The following PLCB1 variants were observed in gnomAD, a reference collection of about 807,000 sequenced individuals.
PLCB1 encodes the protein phospholipase C beta 1, also known as 1-phosphatidylinositol 4,5-bisphosphate phosphodiesterase beta-1.
Under a neutral mutation model 161.8 loss-of-function variants are expected in PLCB1, and 46 were observed. The ratio of observed to expected loss-of-function variants is 0.28; its 90% CI spans 0.22 to 0.36. The LOEUF is 0.36. PLCB1 is among the 10% of genes least tolerant of loss of function. The pLI is 1.00. For synonymous variants in PLCB1, 517 were observed against 503.7 expected, an observed-to-expected ratio of 1.03 and a Z score of -0.35; for missense variants, 1,016 against 1,472.5, an observed-to-expected ratio of 0.69 and a Z score of 5.07.
intron 3 of PLCB1, among the ~76,000 whole-genome samples, chr20:8,585,379 G>T (rs1986959349): frequency 6.6e-6 from 1 of 152,184 alleles, no homozygotes; most frequent in South Asian, 2.1e-4. Flanking sequence ...ATTGTGCACA[G>T]CTCAGAAGAG....
chr20:8,726,991 C>T (rs191256379), intron 16 of PLCB1, among the ~76,000 whole-genome samples: 21 of 152,168 alleles, frequency 1.4e-4, no homozygotes, highest in Non-Finnish European at 2.2e-4. Flanking sequence ...AAGATTCCCA[C>T]GGGGTCCCTG....
At position 8,884,236 on chromosome 20, in the gene PLCB1, T is replaced by G. The variant is rs1263621764; in HGVS notation, c.*2387T>G. 2.0e-5 allele frequency: 3 copies of G among 152,628 alleles called. No individual in the cohort carries two copies. The highest frequency in any genetic ancestry group is 2.0e-4 in the Admixed American group (3 of 15,270). 9.5% of individuals were successfully genotyped at this position (152,628 alleles called of 1,614,324 possible). On this transcript the variant is annotated 3_prime_UTR_variant, in exon 32 of 32. Transcript: ENST00000338037. ...TGCATCATTGAAACTACTACAATGA[T>G]ACTATCATTTAATAATATTAATATT...
intron 3 of PLCB1, among the ~76,000 whole-genome samples, chr20:8,606,166 T>C (rs1987752425): frequency 6.6e-6 from 1 of 152,206 alleles, no homozygotes; most frequent in Admixed American, 6.5e-5. Context: ...AATTTTCCTA[T>C]AGTTTCATCA....
chr20:8,361,979 T>C (rs1204329606), intron 2 of PLCB1, among the ~76,000 whole-genome samples: 1 of 152,232 alleles, frequency 6.6e-6, no homozygotes, highest in Non-Finnish European at 1.5e-5. Context: ...CTAGTTAATC[T>C]GATTAGTCTG....
chr20:8,273,457 G>A (rs1982382316), intron 2 of PLCB1, among the ~76,000 whole-genome samples: 2 of 151,752 alleles, frequency 1.3e-5, no homozygotes, highest in African/African-American at 2.4e-5. Flanking sequence ...ACATCATTTG[G>A]CAACAGTAAT....
intron 2 of PLCB1, among the ~76,000 whole-genome samples, chr20:8,368,968 G>T (rs1205327113): frequency 6.6e-6 from 1 of 151,784 alleles, no homozygotes; most frequent in African/African-American, 2.4e-5. Context: ...TGTCTGTAGG[G>T]CACTTTGAAA....
chr20:8,343,296 C>G (rs1183168025), intron 2 of PLCB1, among the ~76,000 whole-genome samples: 1 of 152,196 alleles, frequency 6.6e-6, no homozygotes, highest in Non-Finnish European at 1.5e-5. Flanking sequence ...CCAGAACTTT[C>G]CAAGGCAGAG....
chr20:8,653,937 C>T (rs1484297256), intron 7 of PLCB1, among the ~76,000 whole-genome samples: 2 of 152,000 alleles, frequency 1.3e-5, no homozygotes, highest in East Asian at 3.9e-4. Context: ...ATAATGCCAA[C>T]TGCATAGAGT....
At chr20:8,834,837 A>G (rs6118345) in intron 31 of PLCB1, among the ~76,000 whole-genome samples, 39,541 of 136,276 alleles carry the variant, frequency 0.29, 6,128 homozygotes, top group Middle Eastern at 0.42. Context: ...AAAAAAAAAA[A>G]CCACAGGCTG....
intron 9 of PLCB1, among the ~76,000 whole-genome samples, chr20:8,666,742 G>A (rs1317826654): frequency 1.3e-5 from 2 of 152,146 alleles, no homozygotes; most frequent in African/African-American, 4.8e-5. Flanking sequence ...CTATAGCAGT[G>A]GTTTCCAAGC....
chr20:8,607,748 AT>A (rs2123161815), intron 3 of PLCB1, among the ~76,000 whole-genome samples: 1 of 152,290 alleles, frequency 6.6e-6, no homozygotes, highest in East Asian at 1.9e-4. Context: ...TATATGCATT[AT>A]TTACATGTGC....
intron 3 of PLCB1, among the ~76,000 whole-genome samples, chr20:8,434,539 A>G (rs1980212892): frequency 6.6e-6 from 1 of 152,238 alleles, no homozygotes; most frequent in Admixed American, 6.5e-5. Context: ...TGTCCCAGGC[A>G]TTTTACACAT....
rs77866139 is a variant in PLCB1, at chr20:8,265,374, C to T, written c.178-106008C>T. 2.4e-3 allele frequency among the ~76,000 whole-genome samples: 372 copies of T among 152,214 alleles called. 3 individuals carry two copies. Among genetic ancestry groups the T allele is most frequent in the African/African-American group, 8.7e-3 (362 of 41,516 alleles). On this transcript the variant is annotated intron_variant, in intron 2 of 31. Transcript: ENST00000338037. ...GCCTTTTCATTCCACAAGCGAATGG[C>T]GAAGTACCATTTAAGACTTGCCAAT...
At chr20:8,832,470 A>G (rs1986059786) in intron 31 of PLCB1, among the ~76,000 whole-genome samples, 1 of 152,254 alleles carries the variant, frequency 6.6e-6, no homozygotes, top group Non-Finnish European at 1.5e-5. Flanking sequence ...GCATCAGGAA[A>G]AACAGCCAGA....
chr20:8,797,048 G>A (rs1222641156), intron 31 of PLCB1, among the ~76,000 whole-genome samples: 1 of 152,092 alleles, frequency 6.6e-6, no homozygotes, highest in African/African-American at 2.4e-5. Context: ...AGTAATAGAT[G>A]AGAATCTACA....
At chr20:8,609,154 G>T (rs955802751) in intron 3 of PLCB1, among the ~76,000 whole-genome samples, 1 of 152,172 alleles carries the variant, frequency 6.6e-6, no homozygotes, top group Non-Finnish European at 1.5e-5. Flanking sequence ...AATAGTCTTA[G>T]CTATTGGAAA....
At chr20:8,324,464 C>T (rs1321722295) in intron 2 of PLCB1, among the ~76,000 whole-genome samples, 1 of 152,118 alleles carries the variant, frequency 6.6e-6, no homozygotes, top group Non-Finnish European at 1.5e-5. Flanking sequence ...TGATTTCTTA[C>T]TATAAATTAT....
At chr20:8,353,360 A>G (rs1057009057) in intron 2 of PLCB1, among the ~76,000 whole-genome samples, 3 of 152,150 alleles carry the variant, frequency 2.0e-5, no homozygotes, top group African/African-American at 7.2e-5. Context: ...AGAATACACA[A>G]TTCTCCCATA....
At chr20:8,594,735 G>C (rs571922046) in intron 3 of PLCB1, among the ~76,000 whole-genome samples, 204 of 150,974 alleles carry the variant, frequency 1.4e-3, no homozygotes, top group African/African-American at 4.7e-3. Context: ...TGAACTCAGT[G>C]CTTTAAGTGC....
Sources: allele counts gnomAD v4.1 joint callset (sites outside exome capture counted in the v4.1 genomes callset), GRCh38; gene constraint gnomAD v4.1.1; transcripts MANE v1.5; gene names NCBI Gene and HGNC (gene_info 2026-07-23, HGNC 2026-07-21).